Variants in ZC3H12B observed in about 807,000 individuals in gnomAD.
ZC3H12B encodes zinc finger CCCH-type containing 12B.
In ZC3H12B, 7 loss-of-function variants were observed where a neutral mutation model predicts 43.9. The ratio of observed to expected loss-of-function variants is 0.16; its 90% confidence interval spans 0.09 to 0.30. ZC3H12B has a LOEUF of 0.30. Ranked by LOEUF, ZC3H12B falls within the 10% of genes least tolerant of loss-of-function variation. The pLI is 1.00. For synonymous variants in ZC3H12B, 222 were observed against 241.7 expected (o/e 0.92, Z 0.76); for missense variants, 475 against 670.2 (o/e 0.71, Z 3.22).
the ZC3H12B span, among the ~76,000 whole-genome samples, chrX:65,101,464 G>C: frequency 9.0e-6 from 1 of 111,429 alleles, no homozygotes; most frequent in East Asian, 2.8e-4. Context: ...CTGGTTTTTT[G>C]AAAAGATTAA....
the ZC3H12B span, among the ~76,000 whole-genome samples, chrX:65,199,524 G>C: frequency 9.1e-6 from 1 of 110,101 alleles, no homozygotes; most frequent in Non-Finnish European, 1.9e-5. Flanking sequence ...ATGCTGGTTT[G>C]CTGCACAGAT....
chrX:65,451,293 C>A (rs960320173), intron 3 of ZC3H12B, among the ~76,000 whole-genome samples: 3 of 110,329 alleles, frequency 2.7e-5, no homozygotes, highest in Admixed American at 9.7e-5. Flanking sequence ...ATTTCTATTT[C>A]TTTGTTGATA....
the ZC3H12B span, among the ~76,000 whole-genome samples, chrX:65,048,272 C>A: frequency 1.8e-5 from 2 of 111,165 alleles, no homozygotes; most frequent in African/African-American, 6.5e-5. Flanking sequence ...GAATAATATT[C>A]TATTATGCAC....
In ZC3H12B at chrX:65,373,248, C is replaced by T. The variant is rs181394460; in HGVS notation, n.295+4250C>T. Among the ~76,000 whole-genome samples, 311 of 111,886 alleles carry T rather than the reference C, an allele frequency of 2.8e-3. 3 individuals carry two copies. Among genetic ancestry groups the T allele is most frequent in the Middle Eastern group, 9.2e-3 (2 of 218 alleles). ...TTAAAACGTCAGGAAACAGCAGGTG[C>T]TGGAGAGGATGTGGAGAAATAGGAA... On this transcript the variant is annotated intron_variant and non_coding_transcript_variant, in intron 2 of 5. Coordinates refer to the ZC3H12B transcript ENST00000617377.
chrX:65,075,026 A>T, the ZC3H12B span, among the ~76,000 whole-genome samples: 2 of 111,247 alleles, frequency 1.8e-5, no homozygotes, highest in African/African-American at 3.3e-5. Flanking sequence ...TTTATGTTGG[A>T]TCCATGCATT....
intron 1 of ZC3H12B, among the ~76,000 whole-genome samples, chrX:65,492,582 G>C (rs1310030539): frequency 9.0e-6 from 1 of 111,533 alleles, no homozygotes; most frequent in African/African-American, 3.3e-5. Flanking sequence ...TTTTTCTTTT[G>C]TCTGAGTAGT....
intron 2 of ZC3H12B, among the ~76,000 whole-genome samples, chrX:65,385,526 A>G (rs918295167): frequency 3.6e-5 from 4 of 112,251 alleles, no homozygotes; most frequent in East Asian, 2.8e-4. Context: ...CTGAAGTTGC[A>G]TATCAGCTTA....
chrX:65,122,998 T>G, the ZC3H12B span, among the ~76,000 whole-genome samples: 7 of 112,010 alleles, frequency 6.2e-5, no homozygotes, highest in Non-Finnish European at 9.4e-5. Flanking sequence ...TTAACAAGTC[T>G]TGTGCCAGTT....
At chrX:65,150,783 T>C in the ZC3H12B span, among the ~76,000 whole-genome samples, 1 of 111,701 alleles carries the variant, frequency 9.0e-6, no homozygotes, top group Non-Finnish European at 1.9e-5. Flanking sequence ...CCCTTTCTTC[T>C]TTGCAGATGA....
intron 3 of ZC3H12B, among the ~76,000 whole-genome samples, chrX:65,423,829 T>C (rs1015492073): frequency 7.1e-5 from 8 of 112,021 alleles, no homozygotes; most frequent in Admixed American, 9.5e-5. Flanking sequence ...GATAGTTCCT[T>C]TGGTTGTGCA....
chrX:65,148,154 G>T, the ZC3H12B span, among the ~76,000 whole-genome samples: 19 of 111,376 alleles, frequency 1.7e-4, no homozygotes, highest in African/African-American at 5.2e-4. Flanking sequence ...ATATCCACAG[G>T]TGCCAGCCTG....
chrX:65,074,627 C>T, the ZC3H12B span, among the ~76,000 whole-genome samples: 1 of 111,628 alleles, frequency 9.0e-6, no homozygotes, highest in East Asian at 2.8e-4. Flanking sequence ...GATTGTGTCC[C>T]ATAAGTCCTT....
At chrX:65,462,825 A>T (rs1293647341) in intron 3 of ZC3H12B, among the ~76,000 whole-genome samples, 1 of 112,668 alleles carries the variant, frequency 8.9e-6, no homozygotes, top group East Asian at 2.8e-4. Flanking sequence ...TCGCATGTTC[A>T]TTGTAGCACT....
At chrX:65,437,290 C>T (rs1178362033) in intron 3 of ZC3H12B, among the ~76,000 whole-genome samples, 2 of 111,611 alleles carry the variant, frequency 1.8e-5, no homozygotes, top group Admixed American at 1.9e-4. Flanking sequence ...ACCATCCCCA[C>T]TCCCCTGCTC....
At chrX:65,265,310 G>A in the ZC3H12B span, among the ~76,000 whole-genome samples, 2 of 111,858 alleles carry the variant, frequency 1.8e-5, no homozygotes, top group East Asian at 5.6e-4. Flanking sequence ...CTGATACAGT[G>A]GGTCTAAGAA....
the ZC3H12B span, among the ~76,000 whole-genome samples, chrX:65,194,830 T>A: frequency 8.9e-6 from 1 of 112,321 alleles, no homozygotes; most frequent in African/African-American, 3.2e-5. Context: ...ATTTATTGCT[T>A]TATATATCTG....
the ZC3H12B span, among the ~76,000 whole-genome samples, chrX:65,171,701 T>G: frequency 9.0e-6 from 1 of 110,764 alleles, no homozygotes; most frequent in South Asian, 3.9e-4. Flanking sequence ...GAGTTTGAGT[T>G]TCCCAGCTGC....
chrX:65,337,622 AC>A, the ZC3H12B span, among the ~76,000 whole-genome samples: 1 of 112,465 alleles, frequency 8.9e-6, no homozygotes, highest in Non-Finnish European at 1.9e-5. Flanking sequence ...TTTCTATTCC[AC>A]AAGTAGATAC....
chrX:65,387,536 G>C (rs146914125), intron 2 of ZC3H12B, among the ~76,000 whole-genome samples: 1 of 111,702 alleles, frequency 9.0e-6, no homozygotes, highest in Non-Finnish European at 1.9e-5. Flanking sequence ...ATGTGTGTCT[G>C]TGCATGTGAG....
Sources: gnomAD v4.1 joint callset for allele counts (sites outside exome capture counted in the v4.1 genomes callset) on GRCh38, gnomAD v4.1.1 for gene constraint, MANE v1.5 for transcripts, NCBI Gene and HGNC (gene_info 2026-07-23, HGNC 2026-07-21) for gene names.